SCN9A: variants seen among roughly 807,000 people sequenced by gnomAD.
SCN9A encodes sodium channel protein type 9 subunit alpha.
In SCN9A, 131 loss-of-function variants were observed where a neutral mutation model predicts 187.0. The ratio of observed to expected loss-of-function variants is 0.70; its 90% CI spans 0.61 to 0.81. SCN9A has a LOEUF of 0.81. Ranked by LOEUF, SCN9A falls within the 30% of genes least tolerant of loss-of-function variation. SCN9A has a pLI of 0.00. For missense variants in SCN9A, 2,252 were observed against 2,396.6 expected (o/e 0.94, Z 1.26); for synonymous variants, 809 against 808.6 (o/e 1.00, Z -0.01).
Position 166,284,305 on chromosome 2 carries a change from G to A in SCN9A, c.1974+148C>T, listed in dbSNP as rs373215711. 225 of 895,144 alleles carry A rather than the reference G, an allele frequency of 2.5e-4. 1 individual carries two copies. In the East Asian group the frequency reaches 4.9e-3, roughly 19 times the overall value. 55.5% of individuals were successfully genotyped at this position (895,144 alleles called of 1,614,324 possible). A position where few individuals can be genotyped will look rare whatever the true frequency, so the allele number is the denominator to read the frequency against. ...CCTACAACACATAGAATGAGGATTA[G>A]GCTAATGAATCAAAGGTGTGTTCCT... On this transcript the variant is annotated intron_variant, in intron 12 of 26. Coordinates refer to ENST00000642356, the MANE Select transcript of SCN9A (RefSeq NM_001365536.1).
intron 1 of SCN9A, among the ~76,000 whole-genome samples, chr2:166,316,823 C>T (rs1343353662): frequency 6.6e-6 from 1 of 152,256 alleles, no homozygotes; most frequent in South Asian, 2.1e-4. Context: ...AGACAGTAAT[C>T]TCAGGTGTCC....
intron 17 of SCN9A, among the ~76,000 whole-genome samples, chr2:166,254,617 A>C (rs1696186930): frequency 6.6e-6 from 1 of 151,502 alleles, no homozygotes; most frequent in Non-Finnish European, 1.5e-5. Context: ...TTATATGATT[A>C]ATTTCTATAT....
intron 24 of SCN9A, among the ~76,000 whole-genome samples, chr2:166,211,660 A>G (rs1210702231): frequency 1.3e-5 from 2 of 152,148 alleles, no homozygotes; most frequent in Non-Finnish European, 2.9e-5. Flanking sequence ...GGGAGGTATT[A>G]AAAGTGAAGA....
At chr2:166,288,691 G>C in intron 9 of SCN9A, 48 bp from the exon 10 acceptor site, 1 of 1,433,398 alleles carries the variant, frequency 7.0e-7, no homozygotes, top group Non-Finnish European at 9.4e-7. Flanking sequence ...AGTTTTTTTA[G>C]TAAATTATTT....
chr2:166,328,002 A>G (rs918689465), intron 1 of SCN9A, among the ~76,000 whole-genome samples: 1 of 152,204 alleles, frequency 6.6e-6, no homozygotes, highest in African/African-American at 2.4e-5. Context: ...GTAGAATTTT[A>G]TGTACCTGGG....
At chr2:166,271,524 G>A (rs1696984037) in intron 17 of SCN9A, among the ~76,000 whole-genome samples, 1 of 151,956 alleles carries the variant, frequency 6.6e-6, no homozygotes, top group South Asian at 2.1e-4. Flanking sequence ...GCTGGTTAGG[G>A]CCATAGTGTG....
intron 17 of SCN9A, among the ~76,000 whole-genome samples, chr2:166,262,317 G>A (rs1183612552): frequency 6.6e-6 from 1 of 151,940 alleles, no homozygotes; most frequent in Non-Finnish European, 1.5e-5. Flanking sequence ...GGAAAGGAAA[G>A]GGTTATGTAG....
chr2:166,294,445 A>G, intron 8 of SCN9A, 154 bp downstream of exon 8: 1 of 538,224 alleles, frequency 1.9e-6, no homozygotes. Flanking sequence ...TGAACATTTT[A>G]AAGACTGGAT....
chr2:166,200,010 T>G (rs1223644204), intron 26 of SCN9A, 146 bp from the exon 27 acceptor site: 13 of 511,760 alleles, frequency 2.5e-5, no homozygotes, highest in Non-Finnish European at 3.8e-5. Flanking sequence ...TTTTTTTTTT[T>G]TTTTTGAGAC....
chr2:166,291,808 A>G (rs1574880019), intron 9 of SCN9A, among the ~76,000 whole-genome samples: 1 of 152,336 alleles, frequency 6.6e-6, no homozygotes, highest in East Asian at 1.9e-4. Context: ...CCTGACAAAA[A>G]CAAGCAATGT....
At position 166,198,815 on chromosome 2, in the gene SCN9A, T is replaced by C. The variant is rs1436482646; in HGVS notation, c.5824A>G (p.Ser1942Gly). ...GAAGTGGCATCTGTTTTTTCTGGACTTGAGTTCTCATTAACATTATCAAAA... is the reference window on the plus strand; with the variant it reads ...GAAGTGGCATCTGTTTTTTCTGGACCTGAGTTCTCATTAACATTATCAAAA... The part of the protein sequence containing the change: ...MAFDNVNENS[S>G]PEKTDATSST... Residue 1942 changes from serine (S) to glycine (G), a missense_variant, in exon 27 of 27, where the codon AGT becomes GGT. Ser to Gly is a moderately conservative substitution (Grantham distance 56). Coordinates refer to ENST00000642356, the MANE Select transcript of SCN9A (RefSeq NM_001365536.1). The C allele has an allele frequency of 6.2e-7, 1 of 1,613,226 alleles. No individual in the cohort carries two copies. Among genetic ancestry groups the C allele is most frequent in the Non-Finnish European group, 8.5e-7 (1 of 1,179,450 alleles).
intron 24 of SCN9A, among the ~76,000 whole-genome samples, chr2:166,208,186 G>C (rs1412957370): frequency 6.6e-6 from 1 of 152,072 alleles, no homozygotes; most frequent in East Asian, 1.9e-4. Context: ...GTTTTTTTCT[G>C]TGTTACAATC....
chr2:166,261,074 G>T (rs1696484367), intron 17 of SCN9A, among the ~76,000 whole-genome samples: 1 of 151,592 alleles, frequency 6.6e-6, no homozygotes, highest in Non-Finnish European at 1.5e-5. Context: ...TACAATTGAT[G>T]CATATTATTC....
chr2:166,330,282 A>G (rs1021752491), intron 1 of SCN9A, among the ~76,000 whole-genome samples: 1 of 152,054 alleles, frequency 6.6e-6, no homozygotes, highest in Non-Finnish European at 1.5e-5. Context: ...CATTGCCCCC[A>G]TATCCCATTC....
chr2:166,297,196 C>CAAAAAAAAAAAAAAAAAAAAAAAAA (rs71031236), intron 7 of SCN9A, among the ~76,000 whole-genome samples: 22 of 32,900 alleles, frequency 6.7e-4, no homozygotes, highest in Non-Finnish European at 7.6e-4. Context: ...GACTCCATCT[C>CAAAAAAAAAAAAAAAAAAAAAAAAA]AAAAAAAAAA....
At chr2:166,370,182 C>T (rs888760716) in intron 1 of SCN9A, among the ~76,000 whole-genome samples, 2 of 146,986 alleles carry the variant, frequency 1.4e-5, no homozygotes, top group African/African-American at 2.5e-5. Flanking sequence ...AGTGAAATTA[C>T]CCCCAGTTAA....
chr2:166,266,992 T>C (rs1033573433), intron 17 of SCN9A, among the ~76,000 whole-genome samples: 1 of 152,004 alleles, frequency 6.6e-6, no homozygotes, highest in South Asian at 2.1e-4. Context: ...GATCAGATCA[T>C]ATAAAAACAA....
rs73969664 is a variant in SCN9A at position 166,296,325 on chromosome 2, T to C, written c.902-1663A>G. Among the ~76,000 whole-genome samples, 965 of 152,340 alleles carry C rather than the reference T, an allele frequency of 6.3e-3. 8 individuals are homozygous for C. The highest frequency in any genetic ancestry group is 0.022 in the African/African-American group (903 of 41,584). On this transcript the variant is annotated intron_variant, in intron 7 of 26. Coordinates refer to ENST00000642356, the MANE Select transcript of SCN9A (RefSeq NM_001365536.1). ...TATAATTAGTTAAACTATTATACAATTTGAGATAAAACTATTGATTGAATT... is the reference window on the plus strand; with the variant it reads ...TATAATTAGTTAAACTATTATACAACTTGAGATAAAACTATTGATTGAATT...
rs555304156 is a variant in SCN9A, at chr2:166,285,496, G to T, written c.1603-672C>A. ...TGAACAATGGAAAAAGTATGGTAAG[G>T]TCTTTGCCTCAAAACCAGCTTGGAC... On this transcript the variant is annotated intron_variant, in intron 11 of 26. Transcript: ENST00000642356. 2.0e-4 allele frequency among the ~76,000 whole-genome samples: 30 copies of T among 152,202 alleles called. 1 individual carries two copies. The highest frequency in any genetic ancestry group is 6.7e-4 in the African/African-American group (28 of 41,532).
Sources: allele counts gnomAD v4.1 joint callset (sites outside exome capture counted in the v4.1 genomes callset), GRCh38; gene constraint gnomAD v4.1.1; transcripts MANE v1.5; gene names NCBI Gene and HGNC (gene_info 2026-07-23, HGNC 2026-07-21).